DAPK1: variants seen among roughly 807,000 people sequenced by gnomAD.
DAPK1 encodes the protein death-associated protein kinase 1.
A neutral mutation model predicts 144.9 loss-of-function variants in DAPK1; 56 were observed. The ratio of observed to expected loss-of-function variants is 0.39; its 90% CI spans 0.31 to 0.48. DAPK1 has a LOEUF of 0.48. Among genes scored for constraint, DAPK1 ranks in the 20% least tolerant of loss-of-function variants. DAPK1 has a pLI of 0.95. For missense variants in DAPK1, 1,454 were observed against 1,875.4 expected, an observed-to-expected ratio of 0.78 and a Z score of 4.15; for synonymous variants, 690 against 749.0, an observed-to-expected ratio of 0.92 and a Z score of 1.29.
At chr9:87,668,501 A>C (rs554228802) in intron 18 of DAPK1, 96 bp from the exon 19 acceptor site, 3 of 823,210 alleles carry the variant, frequency 3.6e-6, no homozygotes, top group East Asian at 2.4e-5. Context: ...CACACCTGCT[A>C]TGCTTGTTTC....
rs56990718 is a variant in DAPK1, at chr9:87,611,388, C to T, written c.284+6213C>T. On this transcript the variant is annotated intron_variant, in intron 3 of 25. Coordinates refer to ENST00000408954, the MANE Select transcript of DAPK1 (RefSeq NM_004938.4). ...CTGGCCTCAAGCTCCTGCACTCAAG[C>T]GCTTCTCCTGCGTCAGCCTCCTGAG... 3.4e-4 allele frequency among the ~76,000 whole-genome samples: 52 copies of T among 152,264 alleles called. No homozygotes were observed. The East Asian group carries it at 9.7e-3, about 28-fold the overall frequency.
rs77922953 is a variant in DAPK1 at position 87,521,975 on chromosome 9, T to G, written c.62+22836T>G. Among the ~76,000 whole-genome samples, 1,024 of 152,340 alleles carry G rather than the reference T, an allele frequency of 6.7e-3. 15 individuals are homozygous for G. The highest frequency in any genetic ancestry group is 0.023 in the African/African-American group (974 of 41,574). On this transcript the variant is annotated intron_variant, in intron 2 of 25. Transcript: ENST00000408954. ...TAAGAGGAAGAGAGGCCCAAGCATA[T>G]TTAGTGAGCATTTTCTTGCCCTCTT...
At chr9:87,695,826 C>T (rs1472840396) in intron 21 of DAPK1, among the ~76,000 whole-genome samples, 1 of 152,306 alleles carries the variant, frequency 6.6e-6, no homozygotes, top group African/African-American at 2.4e-5. Flanking sequence ...TACCCTGGCA[C>T]GTTCCAAAAT....
At chr9:87,533,387 G>A (rs140144296) in intron 2 of DAPK1, among the ~76,000 whole-genome samples, 29 of 152,122 alleles carry the variant, frequency 1.9e-4, no homozygotes, top group African/African-American at 6.5e-4. Flanking sequence ...CGCATCCAGG[G>A]GCAGGAGAAG....
At position 87,651,611 on chromosome 9, in the gene DAPK1, G is replaced by A. The variant is rs199940257; in HGVS notation, c.1711G>A (p.Asp571Asn). The stretch of plus-strand genomic sequence containing the variant: ...TCTCCTCAGCCAAGGGTGTTTCGTC[G>A]ATTATCAAGACAGGCACGGCAATAC... ...KTLLSQGCFVDYQDRHGNTPL... is the reference protein window; with the variant it reads ...KTLLSQGCFVNYQDRHGNTPL... Residue 571 changes from aspartate to asparagine, a missense_variant, in exon 17 of 26, where the codon GAT becomes AAT. Coordinates refer to ENST00000408954, the MANE Select transcript of DAPK1 (RefSeq NM_004938.4). 7.0e-5 allele frequency: 113 copies of A among 1,614,008 alleles called. No individual in the cohort carries two copies. In the East Asian group the frequency reaches 1.0e-3, roughly 15 times the overall value.
intron 11 of DAPK1, among the ~76,000 whole-genome samples, chr9:87,645,134 T>A (rs1219700405): frequency 1.3e-5 from 2 of 152,232 alleles, no homozygotes; most frequent in East Asian, 3.8e-4. Context: ...GTCATAATTC[T>A]GTGTTTATAA....
chr9:87,573,266 G>A (rs36203862), intron 2 of DAPK1, among the ~76,000 whole-genome samples: 2,483 of 152,294 alleles, frequency 0.016, 52 homozygotes, highest in African/African-American at 0.054. Flanking sequence ...ATGCCAAGGG[G>A]AATGAGCTTC....
chr9:87,653,952 C>A (rs762896108), intron 17 of DAPK1, among the ~76,000 whole-genome samples: 6 of 152,174 alleles, frequency 3.9e-5, no homozygotes, highest in South Asian at 2.1e-4. Context: ...CTTCAGCCCC[C>A]CAATGTGCTG....
intron 2 of DAPK1, among the ~76,000 whole-genome samples, chr9:87,590,381 A>AG (rs1554687929): frequency 6.7e-6 from 1 of 149,686 alleles, no homozygotes; most frequent in Non-Finnish European, 1.5e-5. Context: ...AAAAAAAAAA[A>AG]AAAAGAAAAG....
intron 2 of DAPK1, among the ~76,000 whole-genome samples, chr9:87,556,880 C>T (rs1031898510): frequency 6.6e-6 from 1 of 152,182 alleles, no homozygotes; most frequent in African/African-American, 2.4e-5. Flanking sequence ...GCAGGCCAGG[C>T]CTCCTGGGCT....
At chr9:87,632,882 A>T in intron 3 of DAPK1, 7 of 951,728 alleles carry the variant, frequency 7.4e-6, no homozygotes, top group Non-Finnish European at 8.7e-6. Context: ...ATGAGTATAC[A>T]TGTAGGGATG....
intron 19 of DAPK1, chr9:87,668,986 C>T (rs1483542720): frequency 8.0e-6 from 2 of 251,274 alleles, no homozygotes; most frequent in African/African-American, 4.5e-5. Flanking sequence ...GACTCTGCCT[C>T]TTTCCTTCTT....
At chr9:87,598,338 G>T (rs1828393148) in intron 2 of DAPK1, among the ~76,000 whole-genome samples, 1 of 152,200 alleles carries the variant, frequency 6.6e-6, no homozygotes, top group Non-Finnish European at 1.5e-5. Context: ...TCAGCTGTTA[G>T]ATTTAAACCA....
upstream of DAPK1, chr9:87,497,707 G>T: frequency 4.3e-6 from 1 of 232,292 alleles, no homozygotes. Context: ...CCCGGAGCGC[G>T]GAGCTGGGAG....
chr9:87,626,124 A>T (rs1401981083), intron 3 of DAPK1, among the ~76,000 whole-genome samples: 1 of 152,216 alleles, frequency 6.6e-6, no homozygotes, highest in Non-Finnish European at 1.5e-5. Context: ...AAGTAATAAT[A>T]CCAAGCAAGG....
chr9:87,652,211 G>A (rs1216550277), intron 17 of DAPK1, among the ~76,000 whole-genome samples: 7 of 118,888 alleles, frequency 5.9e-5, no homozygotes, highest in Admixed American at 3.3e-4. Context: ...CCCCGATCCC[G>A]GGTCCTGATT....
intron 19 of DAPK1, among the ~76,000 whole-genome samples, chr9:87,679,243 G>A (rs1824514265): frequency 6.6e-6 from 1 of 152,116 alleles, no homozygotes; most frequent in African/African-American, 2.4e-5. Flanking sequence ...TACAGGTCGG[G>A]GGTCACCATG....
chr9:87,684,394 G>A (rs1359680740), intron 20 of DAPK1, among the ~76,000 whole-genome samples: 2 of 152,178 alleles, frequency 1.3e-5, no homozygotes, highest in Non-Finnish European at 2.9e-5. Context: ...TCCTAGAATT[G>A]TCAGGCCCTT....
chr9:87,571,352 T>G (rs559725672), intron 2 of DAPK1, among the ~76,000 whole-genome samples: 2 of 151,454 alleles, frequency 1.3e-5, no homozygotes, highest in South Asian at 2.1e-4. Flanking sequence ...CTCCTGGAGC[T>G]TAAACATGAG....
Sources: gnomAD v4.1 joint callset for allele counts (sites outside exome capture counted in the v4.1 genomes callset) on GRCh38, gnomAD v4.1.1 for gene constraint, MANE v1.5 for transcripts, NCBI Gene and HGNC (gene_info 2026-07-23, HGNC 2026-07-21) for gene names.